Variants in ZNF253 observed in about 807,000 individuals in gnomAD.
ZNF253 encodes the protein DNA-binding protein.
In ZNF253, 8 loss-of-function variants were observed where a neutral mutation model predicts 11.9. The observed-to-expected ratio is 0.67, with a 90% CI of 0.40 to 1.22. The LOEUF (loss-of-function observed/expected upper bound fraction) is 1.22. Among genes scored for constraint, ZNF253 ranks in the 50% most tolerant of loss-of-function variants. The probability of loss-of-function intolerance (pLI) is 0.01; values close to 1 mark genes in which losing one functional copy is unlikely to be tolerated. For missense variants in ZNF253, 485 were observed against 586.9 expected (o/e 0.83, Z 1.79); for synonymous variants, 194 against 194.9 (o/e 1.00, Z 0.04).
Position 19,868,817 on chromosome 19 carries a change from G to T in ZNF253, c.3+2818G>T, listed in dbSNP as rs183443960. On this transcript the variant is annotated intron_variant, in intron 1 of 3. Transcript: ENST00000589717. ...CTGCACGTTATGCACATGTACCCCA[G>T]AACTTTAAAGTATAATAAATAAATA... Among the ~76,000 whole-genome samples the T allele has an allele frequency of 1.3e-4, 20 of 151,422 alleles. No individual in the cohort carries two copies. The Middle Eastern group carries it at 0.01, about 77-fold the overall frequency.
intron 3 of ZNF253, among the ~76,000 whole-genome samples, chr19:19,884,140 A>T (rs894270331): frequency 1.3e-5 from 2 of 152,018 alleles, no homozygotes; most frequent in Non-Finnish European, 2.9e-5. Flanking sequence ...TTCAGGTGAC[A>T]TAATATTCTC....
At position 19,880,102 on chromosome 19, in the gene ZNF253, A is replaced by C. The variant is rs1186389482; in HGVS notation, c.182A>C (p.Lys61Thr). 6.2e-7 allele frequency: 1 copy of C among 1,609,432 alleles called. No homozygotes were observed. Among genetic ancestry groups the C allele is most frequent in the South Asian group, 1.1e-5 (1 of 90,556 alleles). Residue 61 changes from lysine to threonine, a missense_variant, in exon 3 of 4, where the codon AAA (lysine) becomes ACA (threonine). Lys to Thr is a moderately conservative substitution (Grantham distance 78). Around this residue, in one of 3 missense-constraint regions of ZNF253, gnomAD observed 218 missense variants for 213.1 expected, o/e 1.02. Transcript: ENST00000589717. Reference sequence around the variant, plus strand: ...GTTACCTGTCTGGAGCAAGGAAAAAAACCTTTAACTATGGAAAGACATGAG... The same window carrying C: ...GTTACCTGTCTGGAGCAAGGAAAAACACCTTTAACTATGGAAAGACATGAG... ...DLVTCLEQGKKPLTMERHEMI... is the reference protein window; with the variant it reads ...DLVTCLEQGKTPLTMERHEMI...
rs776001179 is a variant in ZNF253 at position 19,891,781 on chromosome 19, C to T, written c.534C>T (p.Gly178=). 6.2e-7 allele frequency: 1 copy of T among 1,614,090 alleles called. No individual in the cohort carries two copies. Among genetic ancestry groups the T allele is most frequent in the Non-Finnish European group, 8.5e-7 (1 of 1,179,978 alleles). ...GINLFKCIIC[G]KAFKRSSTLT... Reference sequence around the variant, plus strand: ...ATCTTTTCAAATGTATAATATGTGGCAAAGCTTTTAAACGGTCCTCAACCC... The same window carrying T: ...ATCTTTTCAAATGTATAATATGTGGTAAAGCTTTTAAACGGTCCTCAACCC... The change falls in exon 4 of 4, where the codon GGC becomes GGT. Residue 178 remains glycine (G), a synonymous_variant. Transcript: ENST00000589717.
chr19:19,875,390 C>CTCTTTCTTTCTTTCTTTCTTTCTT (rs147837754), intron 1 of ZNF253, among the ~76,000 whole-genome samples: 184 of 150,856 alleles, frequency 1.2e-3, no homozygotes, highest in African/African-American at 4.3e-3. Flanking sequence ...CTACATTAAA[C>CTCTTTCTTTCTTTCTTTCTTTCTT]TCTTTCTTTC....
chr19:19,873,012 A>G lies in ZNF253; in HGVS notation c.4-5469A>G, dbSNP rs570953157. ...ACTTTGGATTGTGAACGTACAGAAA[A>G]CTAACAAAAGGCATTTTCTGTATTG... On this transcript the variant is annotated intron_variant, in intron 1 of 3. Transcript: ENST00000589717. Among the ~76,000 whole-genome samples, 3 of 152,260 alleles carry G rather than the reference A, an allele frequency of 2.0e-5. No homozygotes were observed. The South Asian group carries it at 6.2e-4, about 32-fold the overall frequency.
chr19:19,866,013 C>G lies in ZNF253; in HGVS notation c.3+14C>G, dbSNP rs150943837. The stretch of plus-strand genomic sequence containing the variant: ...AGCCTAGAAATGGTGAGTGCCGGGT[C>G]CAACGTCCCGAGAGAGGGGAGAGGC... On this transcript the variant is annotated intron_variant, in intron 1 of 3. Coordinates refer to ENST00000589717, the MANE Select transcript of ZNF253 (RefSeq NM_021047.3). 1.5e-4 allele frequency: 245 copies of G among 1,614,120 alleles called. 2 individuals are homozygous for G. In the East Asian group the frequency reaches 5.2e-3, roughly 35 times the overall value.
intron 1 of ZNF253, among the ~76,000 whole-genome samples, chr19:19,875,235 G>A (rs966265496): frequency 3.3e-5 from 5 of 152,066 alleles, no homozygotes; most frequent in Non-Finnish European, 7.4e-5. Context: ...GTATTAGAGG[G>A]TGTTAGTTTT....
chr19:19,890,906 A>G (rs967458449), intron 3 of ZNF253, among the ~76,000 whole-genome samples: 15 of 138,616 alleles, frequency 1.1e-4, no homozygotes, highest in African/African-American at 2.9e-4. Context: ...CAGTGGTGCA[A>G]TCTTGGCTCA....
intron 1 of ZNF253, among the ~76,000 whole-genome samples, chr19:19,876,731 GT>G (rs1462203728): frequency 1.3e-5 from 2 of 151,872 alleles, no homozygotes; most frequent in African/African-American, 4.8e-5. Context: ...TGGCTTTTCT[GT>G]TTCAGATCAA....
rs558482781 is a variant in ZNF253 at position 19,891,182 on chromosome 19, GA to G, written c.227-290del. 4.2e-4 allele frequency among the ~76,000 whole-genome samples: 64 copies of G among 152,244 alleles called. 1 individual carries two copies. Among genetic ancestry groups the G allele is most frequent in the African/African-American group, 1.5e-3 (63 of 41,564 alleles). Reference sequence around the variant, plus strand: ...AGCACAATGTTATACTGGGCAGCAGGAAGAGCTGTGTTGGGTATAACTAACA... The same window carrying G: ...AGCACAATGTTATACTGGGCAGCAGGAGAGCTGTGTTGGGTATAACTAACA... On this transcript the variant is annotated intron_variant, in intron 3 of 3. Transcript: ENST00000589717.
At chr19:19,881,515 G>A (rs2063177583) in intron 3 of ZNF253, among the ~76,000 whole-genome samples, 1 of 152,032 alleles carries the variant, frequency 6.6e-6, no homozygotes, top group South Asian at 2.1e-4. Context: ...TGGGCATGGT[G>A]GCGCATGCCT....
intron 1 of ZNF253, among the ~76,000 whole-genome samples, chr19:19,869,659 C>A (rs1298009774): frequency 7.8e-6 from 1 of 128,772 alleles, no homozygotes; most frequent in Non-Finnish European, 1.6e-5. Flanking sequence ...CCATGCCTGG[C>A]CTTTTTTTTT....
chr19:19,894,490 T>C lies in ZNF253; in HGVS notation c.*1743T>C, dbSNP rs908551969. On this transcript the variant is annotated 3_prime_UTR_variant, in exon 4 of 4. Transcript: ENST00000589717. ...AGAGGCTCTTTGTAGTTAACTGATA[T>C]TAAGTAATGTGTAAGGTGGGGGTTC... is the stretch of plus-strand genomic sequence containing the variant. The C allele has an allele frequency of 6.6e-6, 1 of 152,200 alleles. No individual in the cohort carries two copies. The highest frequency in any genetic ancestry group is 2.4e-5 in the African/African-American group (1 of 41,454). The allele number at this position is 152,200 out of a possible 1,614,324, so 9.4% of individuals were successfully genotyped here.
Position 19,892,656 on chromosome 19 carries a change from A to G in ZNF253, c.1409A>G (p.His470Arg). ...AACTGGTCCTCAGACCTTAATAAAC[A>G]TAAGAAAATTCATATTGAACGAAAA... Reference protein sequence around the residue: ...AFNWSSDLNKHKKIHIERKPY... With the variant: ...AFNWSSDLNKRKKIHIERKPY... Residue 470 changes from histidine to arginine, a missense_variant, in exon 4 of 4, where the codon CAT (histidine) becomes CGT (arginine). Around this residue, in one of 3 missense-constraint regions of ZNF253, gnomAD observed 232 missense variants for 321.4 expected, o/e 0.72. Transcript: ENST00000589717. 6.2e-7 allele frequency: 1 copy of G among 1,613,366 alleles called. No individual in the cohort carries two copies. The highest frequency in any genetic ancestry group is 8.5e-7 in the Non-Finnish European group (1 of 1,179,784).
At chr19:19,891,053 GCTGGTCTTGAA>G (rs2063227260) in intron 3 of ZNF253, among the ~76,000 whole-genome samples, 1 of 151,412 alleles carries the variant, frequency 6.6e-6, no homozygotes, top group South Asian at 2.1e-4. Flanking sequence ...TCTTGGCCAG[GCTGGTCTTGAA>G]CTCCCGACCT....
At chr19:19,871,893 A>G (rs1343260099) in intron 1 of ZNF253, among the ~76,000 whole-genome samples, 1 of 152,194 alleles carries the variant, frequency 6.6e-6, no homozygotes, top group Non-Finnish European at 1.5e-5. Flanking sequence ...ATTACCAGAC[A>G]TGATACAAAC....
chr19:19,879,529 AC>A (rs1300623930), intron 2 of ZNF253, among the ~76,000 whole-genome samples: 3 of 152,186 alleles, frequency 2.0e-5, no homozygotes, highest in Non-Finnish European at 2.9e-5. Flanking sequence ...GAGAACATGA[AC>A]CCCTACCTCA....
At chr19:19,881,621 G>T (rs73530906) in intron 3 of ZNF253, among the ~76,000 whole-genome samples, 1 of 146,848 alleles carries the variant, frequency 6.8e-6, no homozygotes, top group African/African-American at 2.5e-5. Flanking sequence ...TGCACTTCAG[G>T]CTGGGCAAAA....
intron 3 of ZNF253, among the ~76,000 whole-genome samples, chr19:19,890,301 T>C (rs1253838308): frequency 6.6e-6 from 1 of 152,200 alleles, no homozygotes; most frequent in African/African-American, 2.4e-5. Context: ...ATTACTGCAG[T>C]TTCTCTGCTT....
Sources: gnomAD v4.1 joint callset for allele counts (sites outside exome capture counted in the v4.1 genomes callset) on GRCh38, gnomAD v4.1.1 for gene constraint, gnomAD v4.1.1 regional missense constraint, MANE v1.5 for transcripts, NCBI Gene and HGNC (gene_info 2026-07-23, HGNC 2026-07-21) for gene names.